GSE1: variants seen among roughly 807,000 people sequenced by gnomAD.
GSE1 encodes Gse1 coiled-coil protein.
Under a neutral mutation model 112.6 loss-of-function variants are expected in GSE1, and 32 were observed. The ratio of observed to expected loss-of-function variants is 0.28; its 90% CI spans 0.21 to 0.38. The LOEUF (loss-of-function observed/expected upper bound fraction) is 0.38, where lower values mean the gene tolerates loss of function less well. Ranked by LOEUF, GSE1 falls within the 10% of genes least tolerant of loss-of-function variation. GSE1 has a pLI of 1.00. For synonymous variants in GSE1, 1,115 were observed against 735.6 expected (o/e 1.52, Z -8.35); for missense variants, 2,348 against 1,699.2 (o/e 1.38, Z -6.71).
chr16:85,556,001 G>C, exon 1 of GSE1: 1 of 984,324 alleles, frequency 1.0e-6, no homozygotes, highest in Non-Finnish European at 1.2e-6. Context: ...AAATACACAC[G>C]CGGCGAAGAC....
intron 2 of GSE1, among the ~76,000 whole-genome samples, chr16:85,491,414 A>G (rs1304356779): frequency 6.6e-6 from 1 of 152,120 alleles, no homozygotes; most frequent in African/African-American, 2.4e-5. Flanking sequence ...GATGCAGGGT[A>G]TTCTGGGGGG....
In GSE1 at chr16:85,483,896, C is replaced by T. The variant is rs372653542; in HGVS notation, c.2464+126253C>T. On this transcript the variant is annotated intron_variant, in intron 2 of 2. Coordinates refer to the GSE1 transcript ENST00000637419. Reference sequence around the variant, plus strand: ...TGCCAGCAGGCCTCTGGGCCCTGCCCGTCACGGGTACAACTCTGCTGCCAT... The same window carrying T: ...TGCCAGCAGGCCTCTGGGCCCTGCCTGTCACGGGTACAACTCTGCTGCCAT... Among the ~76,000 whole-genome samples the T allele has an allele frequency of 5.9e-5, 9 of 152,338 alleles. No individual in the cohort carries two copies. The South Asian group carries it at 1.2e-3, about 21-fold the overall frequency.
At chr16:85,456,640 GGTC>G (rs2049837674) in intron 2 of GSE1, among the ~76,000 whole-genome samples, 1 of 139,534 alleles carries the variant, frequency 7.2e-6, no homozygotes. Flanking sequence ...GTGTGTGTGT[GGTC>G]TGCCATTTTT....
chr16:85,518,390 G>A (rs1239506136), intron 2 of GSE1, among the ~76,000 whole-genome samples: 1 of 152,194 alleles, frequency 6.6e-6, no homozygotes, highest in African/African-American at 2.4e-5. Flanking sequence ...CCTGTGTGCT[G>A]TGTCTGTGTC....
At chr16:85,249,220 C>T (rs2144011849) in intron 1 of GSE1, among the ~76,000 whole-genome samples, 1 of 152,342 alleles carries the variant, frequency 6.6e-6, no homozygotes, top group African/African-American at 2.4e-5. Context: ...GCCCAGTAGC[C>T]CAGTATACCC....
At chr16:85,517,022 C>T (rs1057044433) in intron 2 of GSE1, among the ~76,000 whole-genome samples, 1 of 152,190 alleles carries the variant, frequency 6.6e-6, no homozygotes, top group Admixed American at 6.5e-5. Context: ...CGGTCTCGAT[C>T]TCCTGATCTC....
chr16:85,359,424 T>G (rs1217130597), intron 2 of GSE1: 2 of 455,920 alleles, frequency 4.4e-6, no homozygotes, highest in Non-Finnish European at 8.8e-6. Flanking sequence ...GGAGTTTGGC[T>G]GTGGTTTGGG....
intron 2 of GSE1, among the ~76,000 whole-genome samples, chr16:85,537,962 C>T (rs574783403): frequency 4.1e-4 from 62 of 152,218 alleles, no homozygotes; most frequent in Non-Finnish European, 2.4e-4. Flanking sequence ...CAGGGGTGGA[C>T]GGAAAGGCAG....
chr16:85,409,627 G>A (rs113553489), intron 2 of GSE1, among the ~76,000 whole-genome samples: 45 of 9,456 alleles, frequency 4.8e-3, no homozygotes, highest in Admixed American at 0.034. Flanking sequence ...AATCCTCACC[G>A]TTACACTCAG....
At chr16:85,488,893 C>T (rs1292843711) in intron 2 of GSE1, among the ~76,000 whole-genome samples, 1 of 152,112 alleles carries the variant, frequency 6.6e-6, no homozygotes, top group Non-Finnish European at 1.5e-5. Context: ...CCCCCCCATT[C>T]TAACAGCCCC....
intron 2 of GSE1, among the ~76,000 whole-genome samples, chr16:85,477,489 G>A (rs1427675605): frequency 6.6e-6 from 1 of 150,952 alleles, no homozygotes; most frequent in Non-Finnish European, 1.5e-5. Flanking sequence ...TATTGTGAAT[G>A]CTGTGAGCCC....
At chr16:85,217,963 C>T (rs539679349) in intron 1 of GSE1, among the ~76,000 whole-genome samples, 6 of 152,158 alleles carry the variant, frequency 3.9e-5, no homozygotes, top group South Asian at 4.1e-4. Flanking sequence ...TGCAGTGGCG[C>T]GATCTTGGCC....
intron 2 of GSE1, among the ~76,000 whole-genome samples, chr16:85,410,897 C>T (rs1000977383): frequency 1.0e-5 from 1 of 100,188 alleles, no homozygotes; most frequent in South Asian, 3.4e-4. Context: ...TCTGATAATC[C>T]TCGCTGTTAC....
At chr16:85,175,821 G>A (rs9922261) in intron 1 of GSE1, among the ~76,000 whole-genome samples, 73 of 152,160 alleles carry the variant, frequency 4.8e-4, no homozygotes, top group African/African-American at 1.5e-3. Flanking sequence ...CCGCAGCCCG[G>A]TTTCAGGAGG....
At chr16:85,202,292 G>T (rs532601650) in intron 1 of GSE1, among the ~76,000 whole-genome samples, 2 of 152,376 alleles carry the variant, frequency 1.3e-5, no homozygotes, top group South Asian at 4.1e-4. Flanking sequence ...GAGTGTTAGG[G>T]TCTCTGGGGA....
intron 2 of GSE1, among the ~76,000 whole-genome samples, chr16:85,537,380 G>T (rs1598104319): frequency 6.6e-6 from 1 of 152,226 alleles, no homozygotes; most frequent in African/African-American, 2.4e-5. Flanking sequence ...GCTCCTGGGA[G>T]CTCGGTGACT....
chr16:85,177,626 TAAG>T (rs2074494211), intron 1 of GSE1, among the ~76,000 whole-genome samples: 1 of 152,200 alleles, frequency 6.6e-6, no homozygotes, highest in Non-Finnish European at 1.5e-5. Context: ...CGTGCTGTGT[TAAG>T]AAGGGTTCTG....
At chr16:85,381,856 G>A (rs531752931) in intron 2 of GSE1, among the ~76,000 whole-genome samples, 157 of 152,346 alleles carry the variant, frequency 1.0e-3, no homozygotes, top group African/African-American at 3.7e-3. Flanking sequence ...CAAGCTAGAG[G>A]GGCAGCCTCT....
At chr16:85,378,417 G>T (rs868318820) in intron 2 of GSE1, among the ~76,000 whole-genome samples, 1 of 152,172 alleles carries the variant, frequency 6.6e-6, no homozygotes, top group Non-Finnish European at 1.5e-5. Flanking sequence ...GTGGGCATGT[G>T]TGGGAGGGTG....
Sources: gnomAD v4.1 joint callset for allele counts (sites outside exome capture counted in the v4.1 genomes callset) on GRCh38, gnomAD v4.1.1 for gene constraint, MANE v1.5 for transcripts, NCBI Gene and HGNC (gene_info 2026-07-23, HGNC 2026-07-21) for gene names.